Variants in ATXN1 observed in about 807,000 individuals in gnomAD.
ATXN1 encodes the protein ataxin 1.
ATXN1 carries 8 observed loss-of-function variants against 56.4 expected under a neutral mutation model. The observed-to-expected ratio is 0.14, with a 90% CI of 0.08 to 0.26. The LOEUF is 0.26. Among genes scored for constraint, ATXN1 ranks in the 10% least tolerant of loss-of-function variants. ATXN1 has a pLI of 1.00. For synonymous variants in ATXN1, 514 were observed against 494.6 expected (o/e 1.04, Z -0.52); for missense variants, 987 against 1,106.5 (o/e 0.89, Z 1.53).
intron 6 of ATXN1, among the ~76,000 whole-genome samples, chr6:16,356,030 T>C (rs1761682673): frequency 1.3e-5 from 2 of 152,246 alleles, no homozygotes; most frequent in African/African-American, 4.8e-5. Context: ...ATTCTCCTCC[T>C]GAGAGCTCTG....
chr6:16,370,357 A>G (rs977781385), intron 6 of ATXN1, among the ~76,000 whole-genome samples: 2 of 152,244 alleles, frequency 1.3e-5, no homozygotes, highest in Non-Finnish European at 2.9e-5. Context: ...TCTAAAAGCT[A>G]CAGATTTATC....
chr6:16,710,125 G>C (rs1196614052), intron 2 of ATXN1, among the ~76,000 whole-genome samples: 3 of 152,128 alleles, frequency 2.0e-5, no homozygotes, highest in Admixed American at 6.6e-5. Context: ...TGGTGAAATA[G>C]TTAATACTTT....
chr6:16,690,344 C>T (rs894865196), intron 2 of ATXN1, among the ~76,000 whole-genome samples: 20 of 151,902 alleles, frequency 1.3e-4, no homozygotes, highest in African/African-American at 4.1e-4. Context: ...TTCAAGTCTA[C>T]TTGGCCCAGT....
At chr6:16,689,230 G>C (rs937937244) in intron 2 of ATXN1, among the ~76,000 whole-genome samples, 4 of 152,134 alleles carry the variant, frequency 2.6e-5, no homozygotes, top group Admixed American at 1.3e-4. Context: ...AAGCAAGTCT[G>C]GGGTCTGGGA....
chr6:16,614,734 C>A (rs34157279), intron 3 of ATXN1, among the ~76,000 whole-genome samples: 2 of 151,194 alleles, frequency 1.3e-5, no homozygotes, highest in Non-Finnish European at 2.9e-5. Flanking sequence ...ACCAGCCTGG[C>A]GAACATGGTG....
intron 4 of ATXN1, among the ~76,000 whole-genome samples, chr6:16,582,112 A>C (rs541138598): frequency 1.3e-5 from 2 of 152,238 alleles, no homozygotes; most frequent in South Asian, 4.2e-4. Context: ...TCACAACCTC[A>C]TTGTCAGTCC....
intron 6 of ATXN1, among the ~76,000 whole-genome samples, chr6:16,444,215 T>A (rs1196912781): frequency 4.5e-4 from 68 of 151,036 alleles, no homozygotes; most frequent in Non-Finnish European, 1.5e-5. Flanking sequence ...GGAAAAACAA[T>A]ATTCAACCCA....
chr6:16,747,863 C>T (rs545977503), intron 2 of ATXN1, among the ~76,000 whole-genome samples: 8 of 152,160 alleles, frequency 5.3e-5, no homozygotes, highest in Non-Finnish European at 1.0e-4. Flanking sequence ...GAGTTCTAAG[C>T]TTCCTTATGG....
chr6:16,590,281 G>A (rs1465924340), intron 3 of ATXN1, among the ~76,000 whole-genome samples: 1 of 152,120 alleles, frequency 6.6e-6, no homozygotes, highest in East Asian at 1.9e-4. Flanking sequence ...TAATGAAATA[G>A]ACTGCAAACA....
rs1413221669 is a variant in ATXN1 at position 16,314,072 on chromosome 6, A to T, written c.1918-7213T>A. On this transcript the variant is annotated intron_variant, in intron 7 of 7. Transcript: ENST00000436367. ...AGCGGAAGATTATTCAGATAATCTGATCATTGTAGGCACAGATCGGATAGC... is the reference window on the plus strand; with the variant it reads ...AGCGGAAGATTATTCAGATAATCTGTTCATTGTAGGCACAGATCGGATAGC... Among the ~76,000 whole-genome samples, 4 of 152,246 alleles carry T rather than the reference A, an allele frequency of 2.6e-5. 1 individual carries two copies. Among genetic ancestry groups the T allele is most frequent in the Non-Finnish European group, 2.9e-5 (2 of 68,034 alleles).
chr6:16,551,127 C>A (rs1309397879), intron 4 of ATXN1, among the ~76,000 whole-genome samples: 1 of 152,136 alleles, frequency 6.6e-6, no homozygotes, highest in African/African-American at 2.4e-5. Flanking sequence ...AAAGAAAAAT[C>A]TTGGATAAGT....
chr6:16,566,884 A>G (rs920626883), intron 4 of ATXN1, among the ~76,000 whole-genome samples: 7 of 151,144 alleles, frequency 4.6e-5, no homozygotes, highest in African/African-American at 1.7e-4. Flanking sequence ...AACAACAACA[A>G]AAACATTTTG....
chr6:16,389,319 A>G (rs1758304132), intron 6 of ATXN1, among the ~76,000 whole-genome samples: 1 of 139,908 alleles, frequency 7.1e-6, no homozygotes, highest in African/African-American at 2.8e-5. Context: ...CCTGAGTGAC[A>G]GAGCGAGACT....
chr6:16,612,150 C>T (rs181903235), intron 3 of ATXN1, among the ~76,000 whole-genome samples: 6 of 151,802 alleles, frequency 4.0e-5, no homozygotes, highest in Admixed American at 2.6e-4. Context: ...TGAGCCACCG[C>T]GCCCGGCCAG....
rs1561844094 is a variant in ATXN1, at chr6:16,760,521, C to A, written c.-730+777G>T. ...CCACTCCAGCCGCGCTCCAGGCACCCGCACACCCGCTACCCCCGCGCGGTC... is the reference window on the plus strand; with the variant it reads ...CCACTCCAGCCGCGCTCCAGGCACCAGCACACCCGCTACCCCCGCGCGGTC... On this transcript the variant is annotated intron_variant, in intron 1 of 7. Coordinates refer to ENST00000436367, the MANE Select transcript of ATXN1 (RefSeq NM_001128164.2). The surrounding 1 kb of genome is among the most constrained non-coding windows in gnomAD (Gnocchi z 5.3). 6.6e-6 allele frequency among the ~76,000 whole-genome samples: 1 copy of A among 151,264 alleles called. No homozygotes were observed. Among genetic ancestry groups the A allele is most frequent in the Non-Finnish European group, 1.5e-5 (1 of 67,734 alleles).
At chr6:16,678,853 T>C (rs1242175040) in intron 2 of ATXN1, among the ~76,000 whole-genome samples, 1 of 152,054 alleles carries the variant, frequency 6.6e-6, no homozygotes, top group Non-Finnish European at 1.5e-5. Context: ...CTGACCAACA[T>C]GGTGAAACCC....
chr6:16,335,041 T>C (rs1761085607), intron 6 of ATXN1, among the ~76,000 whole-genome samples: 2 of 152,228 alleles, frequency 1.3e-5, no homozygotes, highest in Admixed American at 1.3e-4. Flanking sequence ...CTCAGGGATA[T>C]GGGGTAGGGG....
At chr6:16,724,503 C>T (rs972386774) in intron 2 of ATXN1, among the ~76,000 whole-genome samples, 1 of 152,180 alleles carries the variant, frequency 6.6e-6, no homozygotes, top group Non-Finnish European at 1.5e-5. Context: ...ACTAAATATA[C>T]AACCAGGGCA....
At chr6:16,734,636 T>C (rs1760070867) in intron 2 of ATXN1, among the ~76,000 whole-genome samples, 2 of 152,108 alleles carry the variant, frequency 1.3e-5, no homozygotes, top group Admixed American at 6.6e-5. Context: ...GCCTCCTGAG[T>C]AGCGGGGACC....
Sources: gnomAD v4.1 joint callset for allele counts (sites outside exome capture counted in the v4.1 genomes callset) on GRCh38, gnomAD v4.1.1 for gene constraint, Gnocchi (gnomAD v3.1) non-coding constraint, MANE v1.5 for transcripts, NCBI Gene and HGNC (gene_info 2026-07-23, HGNC 2026-07-21) for gene names.